Variants in KCNIP3 observed in about 807,000 individuals in gnomAD.
KCNIP3 encodes the protein calsenilin.
A neutral mutation model predicts 35.0 loss-of-function variants in KCNIP3; 28 were observed. That is an observed-to-expected ratio of 0.80 (90% CI 0.59 to 1.10). The LOEUF is 1.10. KCNIP3 is among the 50% of genes least tolerant of loss of function. The probability of loss-of-function intolerance (pLI) is 0.00; values close to 1 mark genes in which losing one functional copy is unlikely to be tolerated. For synonymous variants in KCNIP3, 134 were observed against 133.8 expected, an observed-to-expected ratio of 1.00 and a Z score of -0.01; for missense variants, 295 against 338.4, an observed-to-expected ratio of 0.87 and a Z score of 1.01.
chr2:95,351,924 A>G (rs1478190288), intron 2 of KCNIP3, among the ~76,000 whole-genome samples: 3 of 152,136 alleles, frequency 2.0e-5, no homozygotes, highest in Non-Finnish European at 4.4e-5. Context: ...GCCACTGGCT[A>G]ATGTAGGGAT....
Position 95,374,043 on chromosome 2 carries a change from CAG to C in KCNIP3, c.182-252_182-251del, listed in dbSNP as rs367798351. Among the ~76,000 whole-genome samples, 766 of 152,346 alleles carry C rather than the reference CAG, an allele frequency of 5.0e-3. 2 individuals are homozygous for C. Among genetic ancestry groups the C allele is most frequent in the South Asian group, 0.017 (84 of 4,826 alleles). On this transcript the variant is annotated intron_variant, in intron 2 of 8. Transcript: ENST00000295225. ...CCACCTTGTCCCACTGTGCGGCTGA[CAG>C]GGGGGCACACTGCAGGGGCTGCGAT...
chr2:95,362,629 C>T lies in KCNIP3; in HGVS notation c.182-11667C>T, dbSNP rs191511335. ...CATGCACAGTTCACGGTAGGGTTTG[C>T]GCTCCTATGAGAATTTAATGCCGCT... On this transcript the variant is annotated intron_variant, in intron 2 of 8. Coordinates refer to ENST00000295225, the MANE Select transcript of KCNIP3 (RefSeq NM_013434.5). 7.2e-5 allele frequency among the ~76,000 whole-genome samples: 11 copies of T among 152,282 alleles called. No individual in the cohort carries two copies. The South Asian group carries it at 1.5e-3, about 20-fold the overall frequency.
At position 95,327,801 on chromosome 2, in the gene KCNIP3, T is replaced by C. The variant is rs1163465882; in HGVS notation, c.181+17281T>C. On this transcript the variant is annotated intron_variant, in intron 2 of 8. Coordinates refer to ENST00000295225, the MANE Select transcript of KCNIP3 (RefSeq NM_013434.5). ...GTCCAACACACAGCATGAGGCACCC[T>C]AGAGGCTACACGCAGCAGGACTCAG... 2.0e-5 allele frequency among the ~76,000 whole-genome samples: 3 copies of C among 152,164 alleles called. No individual in the cohort carries two copies. The East Asian group carries it at 5.8e-4, about 29-fold the overall frequency.
Position 95,384,192 on chromosome 2 carries a change from A to ACACACACACC in KCNIP3, c.*152_*153insCCACACACAC. Reference sequence around the variant, plus strand: ...GCTACACACACACACACACACACACACACACACACACACAGCCATTCATCT... The same window carrying ACACACACACC: ...GCTACACACACACACACACACACACACACACACACCCACACACACACACAGCCATTCATCT... On this transcript the variant is annotated 3_prime_UTR_variant, in exon 9 of 9. Transcript: ENST00000295225. 1.5e-6 allele frequency: 1 copy of ACACACACACC among 661,362 alleles called. No individual in the cohort carries two copies. The highest frequency in any genetic ancestry group is 2.7e-6 in the Non-Finnish European group (1 of 367,914). The allele number at this position is 661,362 out of a possible 1,614,324, so 41.0% of individuals were successfully genotyped here. A position where few individuals can be genotyped will look rare whatever the true frequency, so the allele number is the denominator to read the frequency against.
chr2:95,341,831 G>C (rs542310655), intron 2 of KCNIP3, among the ~76,000 whole-genome samples: 1 of 152,196 alleles, frequency 6.6e-6, no homozygotes, highest in African/African-American at 2.4e-5. Context: ...ATTTATACAA[G>C]GCAGGCAATA....
chr2:95,305,359 G>A (rs1378424004), intron 1 of KCNIP3, among the ~76,000 whole-genome samples: 2 of 152,192 alleles, frequency 1.3e-5, no homozygotes, highest in Admixed American at 1.3e-4. Context: ...AGATTCACAT[G>A]CAGTTGCAGG....
intron 2 of KCNIP3, among the ~76,000 whole-genome samples, chr2:95,318,505 G>A (rs1678512631): frequency 6.6e-6 from 1 of 152,326 alleles, no homozygotes; most frequent in Middle Eastern, 3.4e-3. Flanking sequence ...GCCTTGGCAG[G>A]GATGTAGGGG....
chr2:95,317,975 G>A (rs1678500137), intron 2 of KCNIP3, among the ~76,000 whole-genome samples: 1 of 152,112 alleles, frequency 6.6e-6, no homozygotes, highest in African/African-American at 2.4e-5. Context: ...GGGTTGCTTT[G>A]GTGGGGCTGG....
intron 2 of KCNIP3, among the ~76,000 whole-genome samples, chr2:95,319,869 C>T (rs755212738): frequency 5.9e-5 from 9 of 152,304 alleles, no homozygotes; most frequent in Middle Eastern, 3.4e-3. Context: ...ACATAAGCCT[C>T]GTATTGGATT....
chr2:95,338,822 C>G (rs980026463), intron 2 of KCNIP3, among the ~76,000 whole-genome samples: 1 of 152,210 alleles, frequency 6.6e-6, no homozygotes, highest in African/African-American at 2.4e-5. Flanking sequence ...GAAATCAAGA[C>G]ATATTGGTGT....
chr2:95,381,767 C>A (rs1008911876), intron 6 of KCNIP3, 64 bp downstream of exon 6: 3 of 1,088,496 alleles, frequency 2.8e-6, no homozygotes, highest in East Asian at 2.4e-5. Context: ...CCCCTCCCGC[C>A]GCTCTTCCTC....
chr2:95,307,656 G>A (rs1405614235), intron 1 of KCNIP3, among the ~76,000 whole-genome samples: 1 of 152,202 alleles, frequency 6.6e-6, no homozygotes, highest in Non-Finnish European at 1.5e-5. Context: ...TCTCCCGCAC[G>A]ACCTGGGCCT....
chr2:95,346,456 GC>G (rs2104265267), intron 2 of KCNIP3, among the ~76,000 whole-genome samples: 1 of 150,724 alleles, frequency 6.6e-6, no homozygotes, highest in South Asian at 2.1e-4. Context: ...GCGGGGCGGG[GC>G]CGGCTCCCTC....
intron 2 of KCNIP3, among the ~76,000 whole-genome samples, chr2:95,316,477 C>T (rs1462159167): frequency 6.6e-6 from 1 of 152,162 alleles, no homozygotes; most frequent in Admixed American, 6.5e-5. Context: ...TGGGGTGAGG[C>T]GGTGGCTGGC....
At chr2:95,343,370 A>C (rs1237928228) in intron 2 of KCNIP3, among the ~76,000 whole-genome samples, 1 of 152,162 alleles carries the variant, frequency 6.6e-6, no homozygotes, top group African/African-American at 2.4e-5. Context: ...AAATATGGGA[A>C]GAATAAATAA....
intron 5 of KCNIP3, among the ~76,000 whole-genome samples, chr2:95,379,612 T>G (rs1280163478): frequency 1.3e-5 from 2 of 152,278 alleles, no homozygotes; most frequent in African/African-American, 4.8e-5. Flanking sequence ...GCTGTAACTT[T>G]GGAGCGTTTG....
At chr2:95,299,709 C>A (rs557122282) in intron 1 of KCNIP3, among the ~76,000 whole-genome samples, 1 of 152,226 alleles carries the variant, frequency 6.6e-6, no homozygotes, top group African/African-American at 2.4e-5. Context: ...CACTGGGAAC[C>A]CCTTTTGCCT....
intron 2 of KCNIP3, chr2:95,347,134 C>A: frequency 6.2e-7 from 1 of 1,601,992 alleles, no homozygotes. Flanking sequence ...TAACGCGTGG[C>A]CACTTGCCCC....
intron 2 of KCNIP3, among the ~76,000 whole-genome samples, chr2:95,343,154 C>T (rs933654139): frequency 5.3e-5 from 8 of 151,786 alleles, no homozygotes; most frequent in Middle Eastern, 3.4e-3. Context: ...AGGCACAGGG[C>T]GAGAGTGTGG....
Sources: gnomAD v4.1 joint callset for allele counts (sites outside exome capture counted in the v4.1 genomes callset) on GRCh38, gnomAD v4.1.1 for gene constraint, MANE v1.5 for transcripts, NCBI Gene and HGNC (gene_info 2026-07-23, HGNC 2026-07-21) for gene names.